DENND5A: variants seen among roughly 807,000 people sequenced by gnomAD.
The protein encoded by DENND5A is DENN domain-containing protein 5A.
In DENND5A, 64 loss-of-function variants were observed where a neutral mutation model predicts 140.3. The observed-to-expected ratio is 0.46, with a 90% CI of 0.37 to 0.56. DENND5A has a LOEUF of 0.56. DENND5A is among the 20% of genes least tolerant of loss of function. The pLI is 0.00. For missense variants in DENND5A, 1,292 were observed against 1,593.8 expected (o/e 0.81, Z 3.22); for synonymous variants, 605 against 607.7 (o/e 1.00, Z 0.07).
chr11:9,140,172 T>A (rs758223409), intron 22 of DENND5A: 2 of 1,389,158 alleles, frequency 1.4e-6, no homozygotes, highest in Non-Finnish European at 1.9e-6. Context: ...CCACCAGGAA[T>A]AATAATAAGC....
Position 9,265,019 on chromosome 11 carries a change from G to C in DENND5A, c.51C>G (p.Asp17Glu). ...GGGSAPSRFA[D>E]YFVICGLDTE... Reference sequence around the variant, plus strand: ...TGTCCAGTCCGCAGATGACAAAGTAGTCGGCGAAGCGACTGGGCGCCGAGC... The same window carrying C: ...TGTCCAGTCCGCAGATGACAAAGTACTCGGCGAAGCGACTGGGCGCCGAGC... Residue 17 changes from aspartate (D) to glutamate (E), a missense_variant, in exon 1 of 23, where the codon GAC becomes GAG. Asp to Glu is a conservative substitution (Grantham distance 45). Transcript: ENST00000328194. The surrounding 1 kb of genome is among the most constrained non-coding windows in gnomAD (Gnocchi z 4.7). The C allele has an allele frequency of 1.3e-6, 2 of 1,580,284 alleles. No homozygotes were observed. Among genetic ancestry groups the C allele is most frequent in the South Asian group, 1.1e-5 (1 of 87,414 alleles).
chr11:9,165,299 T>C (rs1179383375), intron 11 of DENND5A, among the ~76,000 whole-genome samples: 1 of 152,058 alleles, frequency 6.6e-6, no homozygotes, highest in African/African-American at 2.4e-5. Flanking sequence ...TGCGCCCAGC[T>C]TGTTGTTCAT....
chr11:9,184,179 T>C (rs895807161), intron 5 of DENND5A, among the ~76,000 whole-genome samples: 11 of 151,952 alleles, frequency 7.2e-5, no homozygotes, highest in Non-Finnish European at 1.3e-4. Context: ...GGTGAAACCC[T>C]GTCTCTACTA....
At chr11:9,263,253 A>C (rs1852286628) in intron 1 of DENND5A, among the ~76,000 whole-genome samples, 1 of 151,012 alleles carries the variant, frequency 6.6e-6, no homozygotes, top group Non-Finnish European at 1.5e-5. Flanking sequence ...CCCAGACTGG[A>C]GTGTAGTGGC....
intron 11 of DENND5A, among the ~76,000 whole-genome samples, chr11:9,161,735 T>C (rs1427089169): frequency 6.6e-6 from 1 of 152,216 alleles, no homozygotes. Context: ...TTATCTCATT[T>C]AAGCCTCCTA....
intron 20 of DENND5A, 123 bp from the exon 21 acceptor site, chr11:9,142,968 T>G: frequency 7.6e-7 from 1 of 1,312,846 alleles, no homozygotes; most frequent in Non-Finnish European, 1.0e-6. Flanking sequence ...GGACTTTGTC[T>G]GTTTCCCTAA....
intron 1 of DENND5A, among the ~76,000 whole-genome samples, chr11:9,229,151 T>C (rs540926227): frequency 2.2e-4 from 33 of 152,120 alleles, no homozygotes; most frequent in African/African-American, 7.5e-4. Context: ...AAAATAATAA[T>C]AACAATTGAA....
chr11:9,247,660 TGAG>T (rs1184964532), intron 1 of DENND5A, among the ~76,000 whole-genome samples: 1 of 152,182 alleles, frequency 6.6e-6, no homozygotes, highest in African/African-American at 2.4e-5. Context: ...TTCTTGTGCC[TGAG>T]ATGCTCATGT....
Position 9,144,923 on chromosome 11 carries a change from C to G in DENND5A, c.3122+72G>C, listed in dbSNP as rs1847374177. 32 of 1,112,624 alleles carry G rather than the reference C, an allele frequency of 2.9e-5. No individual in the cohort carries two copies. In the South Asian group the frequency reaches 3.7e-4, roughly 13 times the overall value. 68.9% of individuals were successfully genotyped at this position (1,112,624 alleles called of 1,614,324 possible). A position where few individuals can be genotyped will look rare whatever the true frequency, so the allele number is the denominator to read the frequency against. ...CTAAAGGGTCTCCTTGGGAACTCCA[C>G]ATACCCAAGCATCGAAGAGCTCCTG... On this transcript the variant is annotated intron_variant, in intron 18 of 22. Coordinates refer to ENST00000328194, the MANE Select transcript of DENND5A (RefSeq NM_015213.4).
chr11:9,161,089 T>G (rs1227483526), intron 11 of DENND5A, among the ~76,000 whole-genome samples: 1 of 152,222 alleles, frequency 6.6e-6, no homozygotes, highest in East Asian at 1.9e-4. Flanking sequence ...AGCTCACACC[T>G]GTAATCCCAG....
At position 9,190,884 on chromosome 11, in the gene DENND5A, C is replaced by T. The variant is rs764146839; in HGVS notation, c.1137+2610G>A. ...CGTCTTTCAAAGCCAGCTCTCTTCCCCTAGTCTAAGGTTTTCCACGGGAAA... is the reference window on the plus strand; with the variant it reads ...CGTCTTTCAAAGCCAGCTCTCTTCCTCTAGTCTAAGGTTTTCCACGGGAAA... On this transcript the variant is annotated intron_variant, in intron 5 of 22. Transcript: ENST00000328194. 3.7e-4 allele frequency among the ~76,000 whole-genome samples: 56 copies of T among 152,238 alleles called. 1 individual carries two copies. Among genetic ancestry groups the T allele is most frequent in the Middle Eastern group, 3.4e-3 (1 of 292 alleles).
intron 1 of DENND5A, among the ~76,000 whole-genome samples, chr11:9,222,884 A>C (rs1383361200): frequency 6.6e-6 from 1 of 152,246 alleles, no homozygotes; most frequent in Non-Finnish European, 1.5e-5. Context: ...AGTTAGAAGC[A>C]AAGTTGCCAC....
In DENND5A at chr11:9,237,605, C is replaced by A. The variant is rs568215549; in HGVS notation, c.109+27356G>T. ...AATTTAAAATGCACATTTCTTGGGC[C>A]AGGTGCAGTGTGGCACATGCCTGTA... On this transcript the variant is annotated intron_variant, in intron 1 of 22. Transcript: ENST00000328194. Among the ~76,000 whole-genome samples, 16 of 152,038 alleles carry A rather than the reference C, an allele frequency of 1.1e-4. No individual in the cohort carries two copies. The South Asian group carries it at 3.3e-3, about 32-fold the overall frequency.
chr11:9,150,928 C>T (rs1208385091), intron 13 of DENND5A, among the ~76,000 whole-genome samples, 164 bp from the exon 14 acceptor site: 11 of 152,028 alleles, frequency 7.2e-5, no homozygotes, highest in African/African-American at 1.9e-4. Context: ...TACTAGAGAC[C>T]GAATTTTACA....
rs746511488 is a variant in DENND5A, at chr11:9,160,877, C to T, written c.2284-12G>A. On this transcript the variant is annotated splice_polypyrimidine_tract_variant and intron_variant, in intron 11 of 22. Transcript: ENST00000328194. ...AGCATCCTCTTGGTCTACAAGGAAG[C>T]AGTCAACAGGATTAAATAACCACAG... is the stretch of plus-strand genomic sequence containing the variant. 4 of 1,613,104 alleles carry T rather than the reference C, an allele frequency of 2.5e-6. No individual in the cohort carries two copies. The South Asian group carries it at 4.4e-5, about 18-fold the overall frequency.
chr11:9,157,676 T>C (rs993166619), intron 12 of DENND5A, among the ~76,000 whole-genome samples: 13 of 152,250 alleles, frequency 8.5e-5, no homozygotes, highest in Non-Finnish European at 1.9e-4. Flanking sequence ...TTCTTTTTTA[T>C]GGCTGTGTAG....
intron 1 of DENND5A, among the ~76,000 whole-genome samples, chr11:9,207,838 C>T (rs561799856): frequency 6.6e-6 from 1 of 152,198 alleles, no homozygotes; most frequent in East Asian, 1.9e-4. Flanking sequence ...ATATTTCCTA[C>T]TCTATATCAT....
intron 1 of DENND5A, 35 bp downstream of exon 1, chr11:9,264,926 C>G: frequency 6.7e-7 from 1 of 1,492,166 alleles, no homozygotes; most frequent in Non-Finnish European, 9.1e-7. Context: ...CGACAGCGGG[C>G]GCGGGAAAGC....
At chr11:9,175,209 G>A (rs1039682967) in intron 8 of DENND5A, 36 of 151,950 alleles carry the variant, frequency 2.4e-4, no homozygotes, top group African/African-American at 8.2e-4. Context: ...AATTAAGAAA[G>A]CAATAAAATA....
Sources: allele counts gnomAD v4.1 joint callset (sites outside exome capture counted in the v4.1 genomes callset), GRCh38; gene constraint gnomAD v4.1.1; non-coding constraint Gnocchi (gnomAD v3.1); transcripts MANE v1.5; gene names NCBI Gene and HGNC (gene_info 2026-07-23, HGNC 2026-07-21).